SPATA13: variants seen among roughly 807,000 people sequenced by gnomAD.
SPATA13 encodes spermatogenesis-associated protein 13.
A neutral mutation model predicts 104.0 loss-of-function variants in SPATA13; 50 were observed. The observed-to-expected ratio is 0.48, with a 90% CI of 0.38 to 0.61. The LOEUF (loss-of-function observed/expected upper bound fraction) is 0.61, where lower values mean the gene tolerates loss of function less well. Ranked by LOEUF, SPATA13 falls within the 20% of genes least tolerant of loss-of-function variation. The pLI, the probability that SPATA13 is intolerant of heterozygous loss-of-function variation, is 0.00. For synonymous variants in SPATA13, 606 were observed against 667.5 expected, an observed-to-expected ratio of 0.91 and a Z score of 1.42; for missense variants, 1,524 against 1,690.6, an observed-to-expected ratio of 0.90 and a Z score of 1.73.
intron 3 of SPATA13, among the ~76,000 whole-genome samples, chr13:24,155,140 G>A (rs1002878409): frequency 6.6e-6 from 1 of 152,154 alleles, no homozygotes; most frequent in Non-Finnish European, 1.5e-5. Context: ...GAGCCACCTT[G>A]CCCGGTTGGT....
At position 24,119,406 on chromosome 13, in the gene SPATA13, G is replaced by GA. The variant is rs150005676; in HGVS notation, c.-112+101711dup. 7.2e-5 allele frequency among the ~76,000 whole-genome samples: 11 copies of GA among 152,030 alleles called. 1 individual carries two copies. Among genetic ancestry groups the GA allele is most frequent in the Non-Finnish European group, 1.6e-4 (11 of 67,982 alleles). On this transcript the variant is annotated intron_variant, in intron 3 of 14. Coordinates refer to the SPATA13 transcript ENST00000424834. ...AAGTTTTCAAATTGATATTGAGGGAGAAAAAATCATTGACCAAACTTGACT... is the reference window on the plus strand; with the variant it reads ...AAGTTTTCAAATTGATATTGAGGGAGAAAAAAATCATTGACCAAACTTGACT...
chr13:24,160,743 G>A lies in SPATA13; in HGVS notation c.-301G>A. The A allele has an allele frequency of 1.0e-6, 1 of 985,638 alleles. No individual in the cohort carries two copies. Among genetic ancestry groups the A allele is most frequent in the Non-Finnish European group, 1.2e-6 (1 of 830,152 alleles). 61.1% of individuals were successfully genotyped at this position (985,638 alleles called of 1,614,324 possible). ...CTGAGTGTGCTGCCGCGGCGCGGGAGGAGAGTGTGCGTTGCGCTTTCTCCC... is the reference window on the plus strand; with the variant it reads ...CTGAGTGTGCTGCCGCGGCGCGGGAAGAGAGTGTGCGTTGCGCTTTCTCCC... On this transcript the variant is annotated 5_prime_UTR_variant, in exon 1 of 13. Transcript: ENST00000382108.
intron 3 of SPATA13, among the ~76,000 whole-genome samples, chr13:24,073,335 A>C (rs778507810): frequency 2.0e-5 from 3 of 152,270 alleles, no homozygotes; most frequent in Non-Finnish European, 4.4e-5. Flanking sequence ...GGGCCCAGGC[A>C]AGTGGCTTAT....
Position 24,264,995 on chromosome 13 carries a change from G to A in SPATA13, c.2164+13133G>A, listed in dbSNP as rs148262192. Among the ~76,000 whole-genome samples the A allele has an allele frequency of 3.0e-3, 461 of 152,312 alleles. 4 individuals are homozygous for A. Among genetic ancestry groups the A allele is most frequent in the African/African-American group, 0.01 (433 of 41,566 alleles). On this transcript the variant is annotated intron_variant, in intron 4 of 12. Transcript: ENST00000382108. ...TTGAAGCCGCTGAGAGCACATATTC[G>A]CTGGTTTTGTGTGTTCAGGTCCACA...
chr13:24,191,489 A>G (rs1473935971), intron 1 of SPATA13, among the ~76,000 whole-genome samples: 1 of 139,322 alleles, frequency 7.2e-6, no homozygotes, highest in African/African-American at 2.7e-5. Flanking sequence ...CTTTCTCACT[A>G]TACATTGCTT....
At chr13:24,285,416 G>A (rs1382200443) in intron 5 of SPATA13, among the ~76,000 whole-genome samples, 1 of 152,072 alleles carries the variant, frequency 6.6e-6, no homozygotes, top group Non-Finnish European at 1.5e-5. Flanking sequence ...CATTTTTGGA[G>A]CAAATATTTC....
intron 1 of SPATA13, among the ~76,000 whole-genome samples, chr13:24,210,500 C>T (rs747907712): frequency 6.6e-6 from 1 of 152,036 alleles, no homozygotes; most frequent in African/African-American, 2.4e-5. Flanking sequence ...TTTCCCAGTA[C>T]CATTTATTAA....
intron 2 of SPATA13, among the ~76,000 whole-genome samples, chr13:24,232,254 G>A (rs1321215801): frequency 6.6e-6 from 1 of 151,780 alleles, no homozygotes; most frequent in African/African-American, 2.4e-5. Flanking sequence ...GTGTTCCTGG[G>A]CAGGAGAAGG....
At chr13:23,988,685 A>T (rs939408235) in intron 2 of SPATA13, among the ~76,000 whole-genome samples, 5 of 152,152 alleles carry the variant, frequency 3.3e-5, no homozygotes, top group Non-Finnish European at 7.4e-5. Context: ...TGCTCATCTC[A>T]TGATGGAAAA....
At position 24,041,177 on chromosome 13, in the gene SPATA13, C is replaced by G. The variant is rs150785351; in HGVS notation, c.-112+23476C>G. ...TAGCTTGATTCAACCCACAGTAGCTCAGAACCACACTGGAAAATGGGAGAA... is the reference window on the plus strand; with the variant it reads ...TAGCTTGATTCAACCCACAGTAGCTGAGAACCACACTGGAAAATGGGAGAA... On this transcript the variant is annotated intron_variant, in intron 3 of 14. Transcript: ENST00000424834. Among the ~76,000 whole-genome samples the G allele has an allele frequency of 1.6e-4, 25 of 152,272 alleles. No homozygotes were observed. In the East Asian group the frequency reaches 2.7e-3, roughly 16 times the overall value.
rs1469270417 is a variant in SPATA13 at position 24,223,849 on chromosome 13, G to A, written c.920G>A (p.Arg307His). Residue 307 changes from arginine to histidine, a missense_variant, in exon 2 of 13, where the codon CGC becomes CAC. By Grantham distance (29) the Arg-to-His change is conservative. Transcript: ENST00000382108. ...AAGCTTGGGTCAGGAAGGACCAAACGCTGGAGGAGCCCGATAAGGGCCAAG... is the reference window on the plus strand; with the variant it reads ...AAGCTTGGGTCAGGAAGGACCAAACACTGGAGGAGCCCGATAAGGGCCAAG... Reference protein sequence around the residue: ...SQKLGSGRTKRWRSPIRAKDF... With the variant: ...SQKLGSGRTKHWRSPIRAKDF... 1.9e-6 allele frequency: 3 copies of A among 1,551,626 alleles called. No individual in the cohort carries two copies. The highest frequency in any genetic ancestry group is 2.6e-6 in the Non-Finnish European group (3 of 1,147,010).
At chr13:24,296,574 A>G (rs764214283) in intron 10 of SPATA13, among the ~76,000 whole-genome samples, 4 of 152,190 alleles carry the variant, frequency 2.6e-5, no homozygotes, top group Non-Finnish European at 4.4e-5. Flanking sequence ...GAGCTGCCAT[A>G]TACTCAACGC....
intron 2 of SPATA13, among the ~76,000 whole-genome samples, chr13:24,246,779 C>T (rs552513805): frequency 6.6e-6 from 1 of 152,176 alleles, no homozygotes; most frequent in South Asian, 2.1e-4. Context: ...AGGATAATCA[C>T]TTGAACCTGG....
intron 3 of SPATA13, among the ~76,000 whole-genome samples, chr13:24,109,732 A>T (rs1439396248): frequency 6.6e-6 from 1 of 152,086 alleles, no homozygotes; most frequent in Non-Finnish European, 1.5e-5. Flanking sequence ...TGCCCCCCAG[A>T]TTACATGGAT....
rs117242381 is a variant in SPATA13, at chr13:24,223,732, G to A, written c.803G>A (p.Arg268Gln). 1,597 of 1,552,030 alleles carry A rather than the reference G, an allele frequency of 1.0e-3. 5 individuals carry two copies. Among genetic ancestry groups the A allele is most frequent in the Non-Finnish European group, 1.4e-3 (1,558 of 1,147,056 alleles). ...TTTCTGAAGAAGAGCTCCTTTAAGC[G>A]GAAGTCCACCTCCAATCTTGCAGAC... The part of the protein sequence containing the change: ...LAFLKKSSFK[R>Q]KSTSNLADLR... The change falls in exon 2 of 13, where the codon CGG (arginine) becomes CAG (glutamine). Residue 268 changes from arginine (R) to glutamine (Q), a missense_variant. By Grantham distance (43) the Arg-to-Gln change is conservative. Coordinates refer to ENST00000382108, the MANE Select transcript of SPATA13 (RefSeq NM_001166271.3).
chr13:24,302,457 CTCAAAAAAAAA>C, intron 12 of SPATA13, 130 bp from the exon 13 acceptor site: 1 of 444,902 alleles, frequency 2.2e-6, no homozygotes, highest in Non-Finnish European at 3.6e-6. Flanking sequence ...AAGACCCTGT[CTCAAAAAAAAA>C]AAAAAAAAAA....
chr13:24,283,885 G>C (rs2138728256), intron 4 of SPATA13, among the ~76,000 whole-genome samples: 1 of 152,264 alleles, frequency 6.6e-6, no homozygotes, highest in South Asian at 2.1e-4. Flanking sequence ...ATAATATCCT[G>C]ATGGTCTTCA....
intron 3 of SPATA13, 76 bp from the exon 4 acceptor site, chr13:24,251,642 G>A: frequency 1.3e-6 from 2 of 1,568,770 alleles, no homozygotes; most frequent in South Asian, 2.4e-5. Flanking sequence ...CGAGGTGAGA[G>A]CGCTATGCGT....
chr13:24,169,546 G>T lies in SPATA13; in HGVS notation c.-112+8614G>T, dbSNP rs186973945. Among the ~76,000 whole-genome samples, 4 of 152,242 alleles carry T rather than the reference G, an allele frequency of 2.6e-5. No individual in the cohort carries two copies. The East Asian group carries it at 7.7e-4, about 29-fold the overall frequency. On this transcript the variant is annotated intron_variant, in intron 1 of 12. Transcript: ENST00000382108. The stretch of plus-strand genomic sequence containing the variant: ...AAAGCAGACACCTTCTCCAGACTCT[G>T]CCCTGGAAATGAGTTGGGACCTGCA...
Sources: gnomAD v4.1 joint callset for allele counts (sites outside exome capture counted in the v4.1 genomes callset) on GRCh38, gnomAD v4.1.1 for gene constraint, MANE v1.5 for transcripts, NCBI Gene and HGNC (gene_info 2026-07-23, HGNC 2026-07-21) for gene names.